The following SYNE2 variants were observed in gnomAD, a reference collection of about 807,000 sequenced individuals.
SYNE2 encodes the protein nesprin-2.
In SYNE2, 431 loss-of-function variants were observed where a neutral mutation model predicts 856.3. The observed-to-expected ratio is 0.50, with a 90% confidence interval of 0.47 to 0.55. The LOEUF is 0.55. SYNE2 is among the 20% of genes least tolerant of loss of function. The probability of loss-of-function intolerance (pLI) is 0.00; values close to 1 mark genes in which losing one functional copy is unlikely to be tolerated. For missense variants in SYNE2, 8,129 were observed against 8,023.2 expected (o/e 1.01, Z -0.50); for synonymous variants, 2,923 against 2,872.3 (o/e 1.02, Z -0.56).
At chr14:64,116,000 TA>T (rs560071561) in intron 66 of SYNE2, among the ~76,000 whole-genome samples, 3 of 151,460 alleles carry the variant, frequency 2.0e-5, no homozygotes, top group African/African-American at 7.3e-5. Context: ...CAAAATAATT[TA>T]AAAAAAAATT....
chr14:63,823,623 A>AT (rs34883942), intron 1 of SYNE2, among the ~76,000 whole-genome samples: 8,460 of 142,958 alleles, frequency 0.059, 270 homozygotes, highest in Middle Eastern at 0.11. Flanking sequence ...TGGAAGGAAC[A>AT]TTTTTTTTTT....
Position 64,216,944 on chromosome 14 carries a change from T to C in SYNE2, c.19542+557T>C, listed in dbSNP as rs1004780940. Among the ~76,000 whole-genome samples, 3 of 151,812 alleles carry C rather than the reference T, an allele frequency of 2.0e-5. 1 individual carries two copies. In the South Asian group the frequency reaches 6.3e-4, roughly 32 times the overall value. On this transcript the variant is annotated intron_variant, in intron 108 of 115. Coordinates refer to ENST00000555002, the MANE Select transcript of SYNE2 (RefSeq NM_182914.3). ...TTTCACCATGTTGGCCAGGCTGGTCTTGAACTCCTGACCTCAAGTGATCCA... is the reference window on the plus strand; with the variant it reads ...TTTCACCATGTTGGCCAGGCTGGTCCTGAACTCCTGACCTCAAGTGATCCA...
chr14:63,810,674 A>G (rs1595132561), intron 1 of SYNE2, among the ~76,000 whole-genome samples: 1 of 152,132 alleles, frequency 6.6e-6, no homozygotes. Context: ...TATTTGAAAC[A>G]TTGCCTGTTC....
rs766164016 is a variant in SYNE2, at chr14:64,053,169, AT to A, written c.9260del (p.Leu3087Ter). 1.2e-6 allele frequency: 2 copies of A among 1,614,148 alleles called. No homozygotes were observed. The highest frequency in any genetic ancestry group is 1.1e-5 in the South Asian group (1 of 91,064). ...GGAAAGCAGACGGCTCAATGCCCAA[AT>A]TTTAAGTCAGAGAATTGAGAAAGCC... ...SPESRRLNAQ[I>X]LSQRIEKAKC... On this transcript the variant is annotated frameshift_variant, in exon 48 of 116. Coordinates refer to ENST00000555002, the MANE Select transcript of SYNE2 (RefSeq NM_182914.3). LOFTEE classifies it high-confidence loss of function.
At chr14:63,822,823 G>T (rs76260293) in intron 1 of SYNE2, among the ~76,000 whole-genome samples, 2 of 152,138 alleles carry the variant, frequency 1.3e-5, no homozygotes, top group Non-Finnish European at 2.9e-5. Context: ...AGAAGAAAGG[G>T]CTGGGTACAG....
At chr14:64,190,963 A>G (rs1179752409) in intron 99 of SYNE2, 2 of 702,354 alleles carry the variant, frequency 2.8e-6, no homozygotes, top group Non-Finnish European at 5.2e-6. Context: ...GCATACAGCG[A>G]ACCGTCACTT....
intron 76 of SYNE2, among the ~76,000 whole-genome samples, chr14:64,131,339 G>A (rs1464454487): frequency 6.6e-6 from 1 of 152,188 alleles, no homozygotes; most frequent in Non-Finnish European, 1.5e-5. Flanking sequence ...GTGAAATAAA[G>A]CCTTCCTCTT....
intron 108 of SYNE2, among the ~76,000 whole-genome samples, chr14:64,217,541 C>T (rs1287563470): frequency 6.6e-6 from 1 of 152,220 alleles, no homozygotes; most frequent in Non-Finnish European, 1.5e-5. Context: ...CTTCCTCTTG[C>T]TTAACAAGCA....
chr14:64,219,124 T>TTTTTTTTTTTTTTA (rs369808458), intron 109 of SYNE2, 84 bp from the exon 110 acceptor site: 31 of 846,364 alleles, frequency 3.7e-5, no homozygotes, highest in East Asian at 6.1e-5. Context: ...TTTTTTTTTT[T>TTTTTTTTTTTTTTA]AACCACCCTG....
intron 12 of SYNE2, among the ~76,000 whole-genome samples, chr14:63,977,527 C>A (rs2096553815): frequency 6.6e-6 from 1 of 152,094 alleles, no homozygotes; most frequent in Non-Finnish European, 1.5e-5. Flanking sequence ...TATTTATTCA[C>A]AAAATCTTAG....
At chr14:64,171,868 T>G (rs553074116) in intron 94 of SYNE2, among the ~76,000 whole-genome samples, 18 of 152,290 alleles carry the variant, frequency 1.2e-4, no homozygotes, top group Non-Finnish European at 2.2e-4. Flanking sequence ...TTCTTTTTTT[T>G]GGGACGGAGT....
Position 64,080,517 on chromosome 14 carries a change from A to AGGAC in SYNE2, c.11226_11229dup (p.Ile3744GlyfsTer4), listed in dbSNP as rs1161994613. 6.2e-7 allele frequency: 1 copy of AGGAC among 1,614,212 alleles called. No homozygotes were observed. Among genetic ancestry groups the AGGAC allele is most frequent in the East Asian group, 2.2e-5 (1 of 44,884 alleles). On this transcript the variant is annotated frameshift_variant, in exon 56 of 116. Transcript: ENST00000555002. LOFTEE classifies it high-confidence loss of function. ...CTAAATGAGCTGGATTCTGAAGTTC[A>AGGAC]GGACATTGTTGAACAGGACCCAGGA... is the stretch of plus-strand genomic sequence containing the variant.
chr14:64,073,254 A>G (rs1391168885), intron 52 of SYNE2, among the ~76,000 whole-genome samples: 1 of 152,158 alleles, frequency 6.6e-6, no homozygotes, highest in Non-Finnish European at 1.5e-5. Flanking sequence ...TTCCCCTGGC[A>G]ACCAGCCCTC....
intron 1 of SYNE2, among the ~76,000 whole-genome samples, chr14:63,908,674 G>C (rs2095437461): frequency 6.6e-6 from 1 of 152,034 alleles, no homozygotes. Flanking sequence ...ACATAACTGG[G>C]GCAGAAAAGG....
chr14:63,892,050 A>C (rs1255339418), intron 1 of SYNE2, among the ~76,000 whole-genome samples: 1 of 152,188 alleles, frequency 6.6e-6, no homozygotes, highest in Admixed American at 6.5e-5. Context: ...TGGCTGTCAT[A>C]AGTGTTTGCT....
chr14:63,942,595 G>C (rs2357176), intron 6 of SYNE2, among the ~76,000 whole-genome samples: 2 of 151,432 alleles, frequency 1.3e-5, no homozygotes, highest in South Asian at 2.1e-4. Flanking sequence ...TCCCAGGTTC[G>C]AGTGATTCTT....
At chr14:64,021,776 A>C in intron 36 of SYNE2, 81 bp from the exon 37 acceptor site, 1 of 1,497,460 alleles carries the variant, frequency 6.7e-7, no homozygotes, top group Non-Finnish European at 9.3e-7. Flanking sequence ...AGATTTTTAC[A>C]AAACAATTGA....
intron 2 of SYNE2, among the ~76,000 whole-genome samples, chr14:63,920,670 G>C (rs2095589002): frequency 6.6e-6 from 1 of 151,718 alleles, no homozygotes; most frequent in African/African-American, 2.4e-5. Context: ...AAGTCTGTTA[G>C]GGTGGTCCAC....
intron 110 of SYNE2, among the ~76,000 whole-genome samples, chr14:64,219,915 G>A (rs1462202009): frequency 1.3e-5 from 2 of 152,208 alleles, no homozygotes; most frequent in East Asian, 1.9e-4. Context: ...ACTGGAACTA[G>A]CCCAGGGAGC....
Sources: allele counts gnomAD v4.1 joint callset (sites outside exome capture counted in the v4.1 genomes callset), GRCh38; gene constraint gnomAD v4.1.1; transcripts MANE v1.5; gene names NCBI Gene and HGNC (gene_info 2026-07-23, HGNC 2026-07-21).